Variants in TRIM14 observed in about 807,000 individuals in gnomAD.
TRIM14 encodes the protein tripartite motif-containing protein 14.
In TRIM14, 28 loss-of-function variants were observed where a neutral mutation model predicts 44.5. That is an observed-to-expected ratio of 0.63 (90% CI 0.47 to 0.86). TRIM14 has a LOEUF of 0.86. TRIM14 is among the 40% of genes least tolerant of loss of function. TRIM14 has a pLI of 0.00. For missense variants in TRIM14, 607 were observed against 611.1 expected (o/e 0.99, Z 0.07); for synonymous variants, 299 against 269.2 (o/e 1.11, Z -1.08).
At chr9:98,075,861 G>C (rs774875948) in intron 6 of TRIM14, 4 of 152,112 alleles carry the variant, frequency 2.6e-5, no homozygotes, top group Non-Finnish European at 5.9e-5. Context: ...GGAAAGAAAT[G>C]ATAATAAAAA....
At chr9:98,054,923 A>G in the TRIM14 span, among the ~76,000 whole-genome samples, 1 of 152,252 alleles carries the variant, frequency 6.6e-6, no homozygotes, top group Non-Finnish European at 1.5e-5. Context: ...CAATAGAGAG[A>G]GTAATTCATG....
downstream of TRIM14, among the ~76,000 whole-genome samples, chr9:98,068,713 T>A (rs1829223485): frequency 6.6e-6 from 1 of 151,152 alleles, no homozygotes; most frequent in Non-Finnish European, 1.5e-5. Context: ...CTTGGGAGGC[T>A]GAGGCAGGAA....
At chr9:98,078,020 C>T (rs1409327035) in intron 6 of TRIM14, 10 of 885,786 alleles carry the variant, frequency 1.1e-5, no homozygotes, top group African/African-American at 5.1e-5. Flanking sequence ...TTCCTGTGGC[C>T]GAGGGCAGGA....
At chr9:98,051,760 C>A in the TRIM14 span, among the ~76,000 whole-genome samples, 1 of 152,104 alleles carries the variant, frequency 6.6e-6, no homozygotes, top group Non-Finnish European at 1.5e-5. Context: ...GATCCTGGAT[C>A]CCCAAAAAGA....
At chr9:98,092,932 C>T (rs1397619565) in intron 4 of TRIM14, among the ~76,000 whole-genome samples, 1 of 152,146 alleles carries the variant, frequency 6.6e-6, no homozygotes. Flanking sequence ...TCGTTCATTG[C>T]TCATTTAAAC....
the TRIM14 span, among the ~76,000 whole-genome samples, chr9:98,037,497 T>C: frequency 7.8e-4 from 118 of 152,172 alleles, no homozygotes; most frequent in African/African-American, 2.8e-3. Flanking sequence ...CTGAAGGACC[T>C]GCAGACAGTA....
the TRIM14 span, among the ~76,000 whole-genome samples, chr9:98,050,688 AC>A: frequency 6.6e-6 from 1 of 151,976 alleles, no homozygotes; most frequent in Non-Finnish European, 1.5e-5. Context: ...GGTGACCAAA[AC>A]TTAGGGCCTT....
chr9:98,046,261 C>A, the TRIM14 span, among the ~76,000 whole-genome samples: 1 of 151,958 alleles, frequency 6.6e-6, no homozygotes, highest in Admixed American at 6.6e-5. Context: ...CTTATACATG[C>A]GTAAGTATTA....
chr9:98,117,952 G>C (rs1269390781), intron 1 of TRIM14, among the ~76,000 whole-genome samples: 8 of 152,110 alleles, frequency 5.3e-5, no homozygotes. Flanking sequence ...AAAAGGAAGG[G>C]TCTGGTGGCA....
At chr9:98,110,587 C>G (rs182855296) in intron 1 of TRIM14, among the ~76,000 whole-genome samples, 69 of 152,252 alleles carry the variant, frequency 4.5e-4, no homozygotes, top group Non-Finnish European at 1.9e-4. Flanking sequence ...TGGCCTTACA[C>G]TCAGCTGCTG....
rs755180433 is a variant in TRIM14, at chr9:98,119,114, C to G, written c.75G>C (p.Pro25=). Residue 25 remains proline, a synonymous_variant, in exon 1 of 6, where the codon CCG becomes CCC. Coordinates refer to ENST00000341469, the MANE Select transcript of TRIM14 (RefSeq NM_014788.4). ...GCTCAGCCACGCGGTCGCCATGCTC[C>G]GGGCAGCGCCAGCCGCATCCCTCGA... is the stretch of plus-strand genomic sequence containing the variant. ...ELVEGCGWRC[P]EHGDRVAELF... 1 of 1,587,196 alleles carries G rather than the reference C, an allele frequency of 6.3e-7. No individual in the cohort carries two copies. Among genetic ancestry groups the G allele is most frequent in the South Asian group, 1.1e-5 (1 of 89,546 alleles).
intron 2 of TRIM14, among the ~76,000 whole-genome samples, chr9:98,100,714 A>G (rs1243372344): frequency 6.6e-6 from 1 of 152,196 alleles, no homozygotes; most frequent in East Asian, 1.9e-4. Flanking sequence ...GTACAAAATA[A>G]AGAGCTTTTA....
downstream of TRIM14, chr9:98,082,932 C>T: frequency 6.2e-7 from 1 of 1,614,132 alleles, no homozygotes; most frequent in South Asian, 1.1e-5. Context: ...TGGGTGAGCC[C>T]AAAGGCTATC....
At chr9:98,090,301 T>C (rs1166015232) in intron 5 of TRIM14, among the ~76,000 whole-genome samples, 1 of 152,172 alleles carries the variant, frequency 6.6e-6, no homozygotes, top group Non-Finnish European at 1.5e-5. Flanking sequence ...TGGATAAATC[T>C]CATATTGAGT....
chr9:98,083,686 C>G (rs978368296), downstream of TRIM14, among the ~76,000 whole-genome samples: 1 of 152,258 alleles, frequency 6.6e-6, no homozygotes, highest in Non-Finnish European at 1.5e-5. Context: ...AAGCCCCAAT[C>G]CCTTCCTCAG....
intron 3 of TRIM14, among the ~76,000 whole-genome samples, chr9:98,098,292 T>C (rs1190846202): frequency 6.6e-6 from 1 of 152,208 alleles, no homozygotes; most frequent in Non-Finnish European, 1.5e-5. Context: ...GATTTGGCTC[T>C]GAACTTCCCA....
chr9:98,117,150 G>C (rs1827082643), intron 1 of TRIM14, among the ~76,000 whole-genome samples: 4 of 152,102 alleles, frequency 2.6e-5, no homozygotes, highest in Admixed American at 1.3e-4. Context: ...AACAAGGAAG[G>C]TTGTAGAAAA....
At position 98,086,650 on chromosome 9, in the gene TRIM14, A is replaced by T. The variant is rs1173972513; in HGVS notation, c.*820T>A. 1 of 152,212 alleles carries T rather than the reference A, an allele frequency of 6.6e-6. No homozygotes were observed. The allele number at this position is 152,212 out of a possible 1,614,324, so 9.4% of individuals were successfully genotyped here. On this transcript the variant is annotated 3_prime_UTR_variant, in exon 6 of 6. Transcript: ENST00000341469. Reference sequence around the variant, plus strand: ...AGCCTGCGGAAGACTGAGACAGGTGAAAAGACTTTTCTGCATGAATGTGCT... The same window carrying T: ...AGCCTGCGGAAGACTGAGACAGGTGTAAAGACTTTTCTGCATGAATGTGCT...
chr9:98,072,356 T>A lies in TRIM14; in HGVS notation c.*29-2669A>T, dbSNP rs111540421. Among the ~76,000 whole-genome samples, 1,161 of 152,184 alleles carry A rather than the reference T, an allele frequency of 7.6e-3. 11 individuals carry two copies. Among genetic ancestry groups the A allele is most frequent in the African/African-American group, 0.026 (1,100 of 41,542 alleles). On this transcript the variant is annotated intron_variant, in intron 6 of 6. Transcript: ENST00000375098. ...TAGGTTCCTCTGGATGAGGAATGCC[T>A]TTTGTCCCCAGCTAGTCCCCTGCCT...
Sources: gnomAD v4.1 joint callset for allele counts (sites outside exome capture counted in the v4.1 genomes callset) on GRCh38, gnomAD v4.1.1 for gene constraint, MANE v1.5 for transcripts, NCBI Gene and HGNC (gene_info 2026-07-23, HGNC 2026-07-21) for gene names.